Variants in CTNNA2 observed in about 807,000 individuals in gnomAD.
CTNNA2 encodes catenin alpha-2.
A neutral mutation model predicts 101.0 loss-of-function variants in CTNNA2; 42 were observed. That is an observed-to-expected ratio of 0.42 (90% CI 0.32 to 0.54). The LOEUF is 0.54. Ranked by LOEUF, CTNNA2 falls within the 20% of genes least tolerant of loss-of-function variation. The pLI is 0.14. For synonymous variants in CTNNA2, 450 were observed against 456.4 expected, an observed-to-expected ratio of 0.99 and a Z score of 0.18; for missense variants, 871 against 1,223.1, an observed-to-expected ratio of 0.71 and a Z score of 4.29.
chr2:79,337,727 C>T (rs927775062), intron 3 of CTNNA2, among the ~76,000 whole-genome samples: 3 of 151,672 alleles, frequency 2.0e-5, no homozygotes, highest in Non-Finnish European at 4.4e-5. Flanking sequence ...CTGCTCTGCA[C>T]TGAGGAAATA....
At chr2:79,702,217 C>A (rs931745283) in intron 2 of CTNNA2, among the ~76,000 whole-genome samples, 2 of 146,468 alleles carry the variant, frequency 1.4e-5, no homozygotes, top group African/African-American at 5.5e-5. Context: ...TTTGTATGGC[C>A]TGCCTTTTTA....
At chr2:80,561,677 T>A (rs1488363929) in intron 12 of CTNNA2, among the ~76,000 whole-genome samples, 1 of 152,090 alleles carries the variant, frequency 6.6e-6, no homozygotes, top group Non-Finnish European at 1.5e-5. Flanking sequence ...TCTCTCTTTT[T>A]TTGAGATGAA....
At chr2:80,159,865 G>A (rs61149760) in intron 7 of CTNNA2, among the ~76,000 whole-genome samples, 16,503 of 152,136 alleles carry the variant, frequency 0.11, 2,126 homozygotes, top group African/African-American at 0.31. Flanking sequence ...TCCTCTCATA[G>A]ATTGTGTTTT....
At chr2:79,879,556 A>G (rs1299024772) in intron 6 of CTNNA2, among the ~76,000 whole-genome samples, 1 of 151,920 alleles carries the variant, frequency 6.6e-6, no homozygotes, top group South Asian at 2.1e-4. Flanking sequence ...CTGTATTCCT[A>G]GGTATTTTAT....
At chr2:80,253,268 C>T (rs914629118) in intron 7 of CTNNA2, among the ~76,000 whole-genome samples, 1 of 152,096 alleles carries the variant, frequency 6.6e-6, no homozygotes, top group Non-Finnish European at 1.5e-5. Flanking sequence ...AATCAGTTTG[C>T]ACTATATGAT....
intron 7 of CTNNA2, among the ~76,000 whole-genome samples, chr2:80,315,141 A>C (rs1038456888): frequency 3.3e-5 from 5 of 152,230 alleles, no homozygotes; most frequent in Admixed American, 6.5e-5. Context: ...TAGATTGAAG[A>C]AAAGGAGGGA....
At chr2:79,515,575 G>A (rs1671764720) in intron 1 of CTNNA2, among the ~76,000 whole-genome samples, 2 of 152,122 alleles carry the variant, frequency 1.3e-5, no homozygotes, top group South Asian at 4.1e-4. Context: ...GTAAACATTA[G>A]TCCACTGAGT....
chr2:80,537,789 C>A (rs1245947759), intron 9 of CTNNA2, among the ~76,000 whole-genome samples: 1 of 151,958 alleles, frequency 6.6e-6, no homozygotes, highest in East Asian at 1.9e-4. Flanking sequence ...GGTGGGGTTT[C>A]TCCATGTTGG....
At chr2:80,069,338 C>T (rs1401897858) in intron 7 of CTNNA2, among the ~76,000 whole-genome samples, 1 of 152,180 alleles carries the variant, frequency 6.6e-6, no homozygotes. Flanking sequence ...ATTTTGCCAG[C>T]TACCTAGGCA....
chr2:79,722,104 A>G (rs181920922), intron 2 of CTNNA2, among the ~76,000 whole-genome samples: 2 of 152,302 alleles, frequency 1.3e-5, no homozygotes, highest in Admixed American at 1.3e-4. Context: ...TGGAAGGAGC[A>G]TGTGTCACCA....
Position 79,242,969 on chromosome 2 carries a change from A to ATATATATATATAT in CTNNA2, c.-406+44893_-406+44894insTATATATATATAT, listed in dbSNP as rs1674646204. Among the ~76,000 whole-genome samples, 24 of 127,354 alleles carry ATATATATATATAT rather than the reference A, an allele frequency of 1.9e-4. 1 individual carries two copies. The highest frequency in any genetic ancestry group is 6.1e-4 in the African/African-American group (21 of 34,208). The allele number at this position is 127,354 out of a possible 152,430, so 83.5% of individuals were successfully genotyped here. ...GCAACAAAGTAAGATCCTGTCTCGA[A>ATATATATATATAT]ATATATATATATATATATATATATA... On this transcript the variant is annotated intron_variant, in intron 2 of 21. Coordinates refer to the CTNNA2 transcript ENST00000466387.
intron 2 of CTNNA2, among the ~76,000 whole-genome samples, chr2:79,297,656 A>G (rs1676012630): frequency 6.6e-6 from 1 of 152,172 alleles, no homozygotes; most frequent in Admixed American, 6.5e-5. Context: ...AGACAAATTC[A>G]TTCCAACTAT....
chr2:79,872,879 A>G (rs970602915), intron 5 of CTNNA2, among the ~76,000 whole-genome samples: 1 of 152,190 alleles, frequency 6.6e-6, no homozygotes, highest in Non-Finnish European at 1.5e-5. Context: ...ACAGCTGGCA[A>G]TCCTGCATGG....
At chr2:79,629,598 A>G (rs1286988030) in intron 1 of CTNNA2, among the ~76,000 whole-genome samples, 1 of 152,120 alleles carries the variant, frequency 6.6e-6, no homozygotes, top group East Asian at 1.9e-4. Flanking sequence ...TTGGGGGGTC[A>G]GATGTTCAGA....
intron 7 of CTNNA2, among the ~76,000 whole-genome samples, chr2:80,339,261 T>G (rs1386998183): frequency 6.6e-6 from 1 of 152,138 alleles, no homozygotes; most frequent in Non-Finnish European, 1.5e-5. Context: ...GAATAAAATA[T>G]GTTATAGCCA....
At chr2:80,545,114 C>T (rs1691925055) in intron 10 of CTNNA2, 40 bp downstream of exon 10, 1 of 1,587,120 alleles carries the variant, frequency 6.3e-7, no homozygotes, top group Non-Finnish European at 8.6e-7. Flanking sequence ...CTGTCAGTGA[C>T]CTTCTCCACT....
At chr2:79,342,943 G>T (rs1677170488) in intron 3 of CTNNA2, among the ~76,000 whole-genome samples, 1 of 152,118 alleles carries the variant, frequency 6.6e-6, no homozygotes, top group Non-Finnish European at 1.5e-5. Flanking sequence ...GACCTGCAGG[G>T]CCTTCTCCTA....
At chr2:80,545,330 T>TGAGGCCAGGGGTTC (rs1691948138) in intron 10 of CTNNA2, among the ~76,000 whole-genome samples, 1 of 152,142 alleles carries the variant, frequency 6.6e-6, no homozygotes, top group Non-Finnish European at 1.5e-5. Context: ...GAGGATTGAT[T>TGAGGCCAGGGGTTC]GAGGCCAGGG....
intron 7 of CTNNA2, among the ~76,000 whole-genome samples, chr2:80,352,420 G>A (rs888235597): frequency 2.0e-5 from 3 of 152,004 alleles, no homozygotes; most frequent in East Asian, 1.9e-4. Flanking sequence ...TGATATTTCC[G>A]CTGGTCAGTA....
Sources: gnomAD v4.1 joint callset for allele counts (sites outside exome capture counted in the v4.1 genomes callset) on GRCh38, gnomAD v4.1.1 for gene constraint, MANE v1.5 for transcripts, NCBI Gene and HGNC (gene_info 2026-07-23, HGNC 2026-07-21) for gene names.